The following SLCO3A1 variants were observed in gnomAD, a reference collection of about 807,000 sequenced individuals.
SLCO3A1 encodes PGE1 transporter.
SLCO3A1 carries 27 observed loss-of-function variants against 63.1 expected under a neutral mutation model. That is an observed-to-expected ratio of 0.43 (90% CI 0.32 to 0.59). The LOEUF (loss-of-function observed/expected upper bound fraction) is 0.59. Among genes scored for constraint, SLCO3A1 ranks in the 20% least tolerant of loss-of-function variants. The pLI is 0.09. For synonymous variants in SLCO3A1, 473 were observed against 409.9 expected (o/e 1.15, Z -1.86); for missense variants, 773 against 945.8 (o/e 0.82, Z 2.40).
chr15:92,010,059 G>A (rs2046352685), intron 2 of SLCO3A1, among the ~76,000 whole-genome samples: 1 of 152,212 alleles, frequency 6.6e-6, no homozygotes, highest in Non-Finnish European at 1.5e-5. Flanking sequence ...GCAAATGGGA[G>A]ATGGCGGAGC....
At chr15:92,127,490 A>T (rs2151567520) in intron 6 of SLCO3A1, among the ~76,000 whole-genome samples, 1 of 152,336 alleles carries the variant, frequency 6.6e-6, no homozygotes, top group South Asian at 2.1e-4. Context: ...TTATAATGAG[A>T]ATAAATGAAA....
At chr15:92,077,798 T>C (rs1407063581) in intron 2 of SLCO3A1, among the ~76,000 whole-genome samples, 1 of 152,194 alleles carries the variant, frequency 6.6e-6, no homozygotes, top group African/African-American at 2.4e-5. Flanking sequence ...TGGAATTAAT[T>C]AGATTTCTCT....
chr15:91,993,307 A>G (rs2046150512), intron 2 of SLCO3A1, among the ~76,000 whole-genome samples: 1 of 152,228 alleles, frequency 6.6e-6, no homozygotes, highest in South Asian at 2.1e-4. Flanking sequence ...ATGCTGATAT[A>G]TTTAGATGAA....
intron 2 of SLCO3A1, among the ~76,000 whole-genome samples, chr15:91,957,447 G>C (rs1263682086): frequency 6.6e-6 from 1 of 151,750 alleles, no homozygotes; most frequent in Non-Finnish European, 1.5e-5. Flanking sequence ...CTCTGTGATG[G>C]GGTCAGTCTG....
chr15:92,108,797 TG>T (rs2047695171), intron 4 of SLCO3A1, among the ~76,000 whole-genome samples: 1 of 152,158 alleles, frequency 6.6e-6, no homozygotes, highest in South Asian at 2.1e-4. Flanking sequence ...ACTTCTGGGC[TG>T]GACTGTTTCT....
At chr15:92,040,520 A>G (rs1385415271) in intron 2 of SLCO3A1, among the ~76,000 whole-genome samples, 1 of 152,176 alleles carries the variant, frequency 6.6e-6, no homozygotes, top group Non-Finnish European at 1.5e-5. Flanking sequence ...GGCCCAGGAA[A>G]TGGGTAGTGG....
intron 3 of SLCO3A1, among the ~76,000 whole-genome samples, chr15:92,098,801 A>G (rs1056838452): frequency 6.6e-6 from 1 of 152,224 alleles, no homozygotes; most frequent in African/African-American, 2.4e-5. Context: ...TCCTGGGGAC[A>G]TCGCACACAC....
In SLCO3A1 at chr15:92,144,094, C is replaced by T. The variant is rs768383691; in HGVS notation, c.1513-2890C>T. ...TCTGTGTGTCCGTCCTTATGCCTGA[C>T]CGTGTGACCTTCTGGGAGAAATGGC... On this transcript the variant is annotated intron_variant, in intron 7 of 9. Coordinates refer to ENST00000318445, the MANE Select transcript of SLCO3A1 (RefSeq NM_013272.4). Among the ~76,000 whole-genome samples the T allele has an allele frequency of 3.3e-5, 5 of 152,388 alleles. No individual in the cohort carries two copies. The South Asian group carries it at 1.0e-3, about 32-fold the overall frequency.
chr15:91,993,006 G>C (rs2046145519), intron 2 of SLCO3A1, among the ~76,000 whole-genome samples: 1 of 152,196 alleles, frequency 6.6e-6, no homozygotes, highest in Non-Finnish European at 1.5e-5. Context: ...CCCTTATAAA[G>C]ATGGTCATTT....
At chr15:92,096,882 T>C (rs1395335448) in intron 3 of SLCO3A1, among the ~76,000 whole-genome samples, 1 of 152,186 alleles carries the variant, frequency 6.6e-6, no homozygotes, top group African/African-American at 2.4e-5. Flanking sequence ...TTTGCAGCCG[T>C]CGGCTGGCCC....
At chr15:91,962,087 C>G (rs930194501) in intron 2 of SLCO3A1, among the ~76,000 whole-genome samples, 4 of 152,130 alleles carry the variant, frequency 2.6e-5, no homozygotes, top group Non-Finnish European at 5.9e-5. Context: ...TCGCAGGGCC[C>G]AAGAACAAAC....
chr15:91,972,576 C>G (rs1217355753), intron 2 of SLCO3A1, among the ~76,000 whole-genome samples: 2 of 152,106 alleles, frequency 1.3e-5, no homozygotes, highest in Non-Finnish European at 2.9e-5. Flanking sequence ...TATAAGCCAC[C>G]CAGGCTGTTG....
chr15:91,901,787 A>G (rs951394217), intron 1 of SLCO3A1, among the ~76,000 whole-genome samples: 3 of 152,128 alleles, frequency 2.0e-5, no homozygotes, highest in East Asian at 1.9e-4. Flanking sequence ...ACAAACTACA[A>G]TGTGTCTAGG....
downstream of SLCO3A1, among the ~76,000 whole-genome samples, chr15:92,169,301 T>C (rs1013282469): frequency 1.3e-5 from 2 of 152,168 alleles, no homozygotes; most frequent in African/African-American, 2.4e-5. Context: ...CTTTAAAAGC[T>C]CTCCTTATTC....
chr15:91,905,954 G>T (rs1416950517), intron 1 of SLCO3A1, among the ~76,000 whole-genome samples: 5 of 152,178 alleles, frequency 3.3e-5, no homozygotes, highest in Non-Finnish European at 7.3e-5. Flanking sequence ...CCTTGCTGAC[G>T]CAGGGGCACA....
chr15:92,048,384 G>A (rs145586739), intron 2 of SLCO3A1, among the ~76,000 whole-genome samples: 140 of 152,202 alleles, frequency 9.2e-4, no homozygotes, highest in African/African-American at 3.2e-3. Context: ...AAATGTGGTC[G>A]TGTTGTCACT....
intron 2 of SLCO3A1, among the ~76,000 whole-genome samples, chr15:92,008,663 A>G (rs2030208): frequency 0.19 from 28,414 of 152,184 alleles, 2,865 homozygotes; most frequent in South Asian, 0.38. Flanking sequence ...TTGGTAGAAC[A>G]TAAGGGTTTT....
At chr15:91,935,447 G>C (rs1899377226) in intron 2 of SLCO3A1, among the ~76,000 whole-genome samples, 1 of 152,196 alleles carries the variant, frequency 6.6e-6, no homozygotes, top group Non-Finnish European at 1.5e-5. Flanking sequence ...GGCTAGAGAA[G>C]AAAGGTCAAG....
At chr15:92,049,080 C>T (rs1355611403) in intron 2 of SLCO3A1, among the ~76,000 whole-genome samples, 1 of 152,140 alleles carries the variant, frequency 6.6e-6, no homozygotes, top group African/African-American at 2.4e-5. Context: ...GCTGGTCTGA[C>T]GTCAAAACCC....
Sources: allele counts gnomAD v4.1 joint callset (sites outside exome capture counted in the v4.1 genomes callset), GRCh38; gene constraint gnomAD v4.1.1; transcripts MANE v1.5; gene names NCBI Gene and HGNC (gene_info 2026-07-23, HGNC 2026-07-21).